Variants in MICALL1 observed in about 807,000 individuals in gnomAD.
MICALL1 encodes the protein MICAL like 1.
A neutral mutation model predicts 83.7 loss-of-function variants in MICALL1; 61 were observed. That is an observed-to-expected ratio of 0.73 (90% confidence interval 0.59 to 0.90). The LOEUF is 0.90. Ranked by LOEUF, MICALL1 falls within the 40% of genes least tolerant of loss-of-function variation. MICALL1 has a pLI of 0.00. For missense variants in MICALL1, 1,066 were observed against 1,152.0 expected (o/e 0.93, Z 1.08); for synonymous variants, 481 against 473.6 (o/e 1.02, Z -0.20).
chr22:37,913,182 T>C (rs1293723690), intron 3 of MICALL1, among the ~76,000 whole-genome samples: 1 of 152,076 alleles, frequency 6.6e-6, no homozygotes, highest in Non-Finnish European at 1.5e-5. Flanking sequence ...CAGGCTGGTC[T>C]TGAACTCCTG....
At chr22:37,925,526 G>T in intron 7 of MICALL1, 135 bp from the exon 8 acceptor site, 1 of 632,288 alleles carries the variant, frequency 1.6e-6, no homozygotes, top group Non-Finnish European at 2.8e-6. Flanking sequence ...CTGTCCCCAT[G>T]GGGATGGGGG....
At position 37,911,097 on chromosome 22, in the gene MICALL1, A is replaced by G. The variant is rs185788785; in HGVS notation, c.147-855A>G. 3.8e-3 allele frequency among the ~76,000 whole-genome samples: 572 copies of G among 151,742 alleles called. 4 individuals carry two copies. Among genetic ancestry groups the G allele is most frequent in the African/African-American group, 0.013 (522 of 41,152 alleles). On this transcript the variant is annotated intron_variant, in intron 1 of 15. Coordinates refer to ENST00000215957, the MANE Select transcript of MICALL1 (RefSeq NM_033386.4). Reference sequence around the variant, plus strand: ...CCTGGAGTGGGGAGGGAGGAGGGGGATAAATAAAGCCTGCAGGCCAGCCAG... The same window carrying G: ...CCTGGAGTGGGGAGGGAGGAGGGGGGTAAATAAAGCCTGCAGGCCAGCCAG...
chr22:37,910,036 T>C (rs1044266303), intron 1 of MICALL1, among the ~76,000 whole-genome samples: 6 of 152,162 alleles, frequency 3.9e-5, no homozygotes, highest in Admixed American at 6.5e-5. Flanking sequence ...TTAAGCTCCT[T>C]TGAGGGCGTG....
intron 6 of MICALL1, among the ~76,000 whole-genome samples, chr22:37,923,672 C>G (rs1434499680): frequency 6.6e-6 from 1 of 152,230 alleles, no homozygotes; most frequent in African/African-American, 2.4e-5. Flanking sequence ...TCTTTTGCAT[C>G]TGTTCTTGTG....
chr22:37,928,578 C>T (rs1929620732), intron 9 of MICALL1, among the ~76,000 whole-genome samples: 1 of 152,196 alleles, frequency 6.6e-6, no homozygotes, highest in Non-Finnish European at 1.5e-5. Context: ...TACCCATTAC[C>T]CACTCTGTCC....
Position 37,927,510 on chromosome 22 carries a change from C to CTG in MICALL1, c.1566_1567dup (p.Ala523ValfsTer45). 1 of 1,613,058 alleles carries CTG rather than the reference C, an allele frequency of 6.2e-7. No homozygotes were observed. ...CTGTCGTCTGAGAGCGCCAGCCAGA[C>CTG]TGCAGGTGCAGAGCTTCTGGAGCCG... On this transcript the variant is annotated frameshift_variant, in exon 9 of 16. Coordinates refer to ENST00000215957, the MANE Select transcript of MICALL1 (RefSeq NM_033386.4). LOFTEE classifies it high-confidence loss of function.
At chr22:37,911,850 G>A (rs1435441526) in intron 1 of MICALL1, 102 bp from the exon 2 acceptor site, 5 of 1,157,124 alleles carry the variant, frequency 4.3e-6, no homozygotes, top group East Asian at 4.7e-5. Flanking sequence ...ATGCTGGCTG[G>A]GACAAGGTCT....
Position 37,906,626 on chromosome 22 carries a change from C to T in MICALL1, c.146+58C>T. ...CGGGGCGGGCTGGGGCCGCGACCGC[C>T]GCCCCCCCTCAGTAACACGAAGCCC... On this transcript the variant is annotated intron_variant, in intron 1 of 15. Coordinates refer to ENST00000215957, the MANE Select transcript of MICALL1 (RefSeq NM_033386.4). This position sits in a 1 kb window ranked among gnomAD's most constrained non-coding sequence, Gnocchi z 4.4. 1.8e-6 allele frequency: 2 copies of T among 1,136,664 alleles called. No individual in the cohort carries two copies. The allele number at this position is 1,136,664 out of a possible 1,614,324, so 70.4% of individuals were successfully genotyped here.
rs1287297742 is a variant in MICALL1 at position 37,930,085 on chromosome 22, G to A, written c.1882-1714G>A. Among the ~76,000 whole-genome samples, 1 of 152,238 alleles carries A rather than the reference G, an allele frequency of 6.6e-6. No individual in the cohort carries two copies. Among genetic ancestry groups the A allele is most frequent in the Non-Finnish European group, 1.5e-5 (1 of 68,046 alleles). Reference sequence around the variant, plus strand: ...TTCCTTGGTGGTGGAGGGCACGGGGGTGGGTCACCTTCGGATTCTCGTGTT... The same window carrying A: ...TTCCTTGGTGGTGGAGGGCACGGGGATGGGTCACCTTCGGATTCTCGTGTT... On this transcript the variant is annotated intron_variant, in intron 9 of 15. Coordinates refer to ENST00000215957, the MANE Select transcript of MICALL1 (RefSeq NM_033386.4). The surrounding 1 kb of genome is among the most constrained non-coding windows in gnomAD (Gnocchi z 4.8).
At chr22:37,921,919 G>A (rs1051609797) in intron 5 of MICALL1, 53 bp from the exon 6 acceptor site, 10 of 1,500,524 alleles carry the variant, frequency 6.7e-6, no homozygotes, top group African/African-American at 1.4e-5. Flanking sequence ...GGGGTAGCCA[G>A]TGCCTGGGCC....
rs1160119687 is a variant in MICALL1, at chr22:37,924,688, G to T, written c.1053G>T (p.Lys351Asn). The T allele has an allele frequency of 1.2e-6, 2 of 1,612,272 alleles. No individual in the cohort carries two copies. The highest frequency in any genetic ancestry group is 3.3e-5 in the Admixed American group (2 of 59,832). ...GACTGCACGAACTGCCTGTCCCCAAGCCGAGGGGGACACCGAAGCCGTCCG... is the reference window on the plus strand; with the variant it reads ...GACTGCACGAACTGCCTGTCCCCAATCCGAGGGGGACACCGAAGCCGTCCG... ...NGRLHELPVP[K>N]PRGTPKPSEG... Residue 351 changes from lysine to asparagine, a missense_variant, in exon 7 of 16, where the codon AAG becomes AAT. Lys to Asn is a moderately conservative substitution (Grantham distance 94). Transcript: ENST00000215957. The surrounding 1 kb of genome is among the most constrained non-coding windows in gnomAD (Gnocchi z 5.2).
At position 37,924,547 on chromosome 22, in the gene MICALL1, G is replaced by C; in HGVS notation, c.1025-113G>C. The C allele has an allele frequency of 1.0e-6, 1 of 993,988 alleles. No homozygotes were observed. Among genetic ancestry groups the C allele is most frequent in the Non-Finnish European group, 1.5e-6 (1 of 657,702 alleles). The allele number at this position is 993,988 out of a possible 1,614,324, so 61.6% of individuals were successfully genotyped here. On this transcript the variant is annotated intron_variant, in intron 6 of 15. Transcript: ENST00000215957. The surrounding 1 kb of genome is among the most constrained non-coding windows in gnomAD (Gnocchi z 5.2). ...ATGGGCTGGCCTGGGGAGGTGCGAGGGTGCCAGGAGGAAGGCGGGGCGCTC... is the reference window on the plus strand; with the variant it reads ...ATGGGCTGGCCTGGGGAGGTGCGAGCGTGCCAGGAGGAAGGCGGGGCGCTC...
chr22:37,931,885 A>T lies in MICALL1; in HGVS notation c.1968A>T (p.Pro656=). ...ATKKATKGSK[P]VRPPAPGHGF... is the part of the protein sequence containing the mutation. ...AGAAGGCCACCAAGGGATCCAAGCC[A>T]GTGAGGCCACCTGCCCCTGGACACG... Residue 656 remains proline (P), a synonymous_variant, in exon 10 of 16, where the codon CCA becomes CCT. Coordinates refer to ENST00000215957, the MANE Select transcript of MICALL1 (RefSeq NM_033386.4). 3 of 1,614,150 alleles carry T rather than the reference A, an allele frequency of 1.9e-6. No individual in the cohort carries two copies. Among genetic ancestry groups the T allele is most frequent in the Non-Finnish European group, 2.5e-6 (3 of 1,180,016 alleles).
rs1000094219 is a variant in MICALL1 at position 37,942,534 on chromosome 22, C to T, written c.*1704C>T. On this transcript the variant is annotated 3_prime_UTR_variant, in exon 16 of 16. Transcript: ENST00000215957. ...TTTTTTTTTTTGAGACAGAGTCTCG[C>T]TCTGTCGCCCAGGCTGGAGTGCAGT... 2.7e-5 allele frequency: 4 copies of T among 150,548 alleles called. No homozygotes were observed. Among genetic ancestry groups the T allele is most frequent in the African/African-American group, 9.8e-5 (4 of 40,816 alleles). The allele number at this position is 150,548 out of a possible 1,614,324, so 9.3% of individuals were successfully genotyped here.
intron 8 of MICALL1, 62 bp downstream of exon 8, chr22:37,926,105 G>T: frequency 6.6e-7 from 1 of 1,505,992 alleles, no homozygotes. Context: ...CCGGGCCTGG[G>T]GAGGGGGTGT....
In MICALL1 at chr22:37,940,903, GC is replaced by G; in HGVS notation, c.*76del. ...GGGCTGTGCTCTGTTTGAAGGGGGCGCCCTGCTCCCCTCAGATCAGTCAGGA... is the reference window on the plus strand; with the variant it reads ...GGGCTGTGCTCTGTTTGAAGGGGGCGCCTGCTCCCCTCAGATCAGTCAGGA... On this transcript the variant is annotated 3_prime_UTR_variant, in exon 16 of 16. Coordinates refer to ENST00000215957, the MANE Select transcript of MICALL1 (RefSeq NM_033386.4). 1 of 1,582,946 alleles carries G rather than the reference GC, an allele frequency of 6.3e-7. No homozygotes were observed. Among genetic ancestry groups the G allele is most frequent in the East Asian group, 2.3e-5 (1 of 44,262 alleles).
At chr22:37,931,154 G>A (rs1229188324) in intron 9 of MICALL1, among the ~76,000 whole-genome samples, 1 of 152,240 alleles carries the variant, frequency 6.6e-6, no homozygotes, top group Non-Finnish European at 1.5e-5. Context: ...CATGGGAAGT[G>A]TGTGGCCGTG....
rs903995954 is a variant in MICALL1, at chr22:37,930,452, AC to A, written c.1882-1343del. Among the ~76,000 whole-genome samples, 5 of 151,624 alleles carry A rather than the reference AC, an allele frequency of 3.3e-5. No individual in the cohort carries two copies. Among genetic ancestry groups the A allele is most frequent in the African/African-American group, 1.2e-4 (5 of 41,212 alleles). Reference sequence around the variant, plus strand: ...CTTCAGAAACCCCAGAGCAGCTCCCACCCCGAGAGCCTCTCTCCCTGGGCTG... The same window carrying A: ...CTTCAGAAACCCCAGAGCAGCTCCCACCCGAGAGCCTCTCTCCCTGGGCTG... On this transcript the variant is annotated intron_variant, in intron 9 of 15. Coordinates refer to ENST00000215957, the MANE Select transcript of MICALL1 (RefSeq NM_033386.4). This position sits in a 1 kb window ranked among gnomAD's most constrained non-coding sequence, Gnocchi z 4.8.
chr22:37,922,577 T>TTATATATATATATATATATATATATA (rs1396419615), intron 6 of MICALL1, 151 bp downstream of exon 6: 4 of 115,152 alleles, frequency 3.5e-5, no homozygotes, highest in African/African-American at 2.2e-4. Flanking sequence ...TTTGAGGTTA[T>TTATATATATATATATATATATATATA]TATATATATA....
Sources: allele counts gnomAD v4.1 joint callset (sites outside exome capture counted in the v4.1 genomes callset), GRCh38; gene constraint gnomAD v4.1.1; non-coding constraint Gnocchi (gnomAD v3.1); transcripts MANE v1.5; gene names NCBI Gene and HGNC (gene_info 2026-07-23, HGNC 2026-07-21).